The following P2RX2 variants were observed in gnomAD, a reference collection of about 807,000 sequenced individuals.
P2RX2 encodes P2X purinoceptor 2.
A neutral mutation model predicts 54.8 loss-of-function variants in P2RX2; 50 were observed. The observed-to-expected ratio is 0.91, with a 90% confidence interval of 0.73 to 1.15. The LOEUF is 1.15. P2RX2 is among the 50% of genes most tolerant of loss of function. The pLI is 0.00. For synonymous variants in P2RX2, 289 were observed against 259.4 expected (o/e 1.11, Z -1.09); for missense variants, 658 against 633.2 (o/e 1.04, Z -0.42).
In P2RX2 at chr12:132,620,452, A is replaced by G; in HGVS notation, c.643A>G (p.Ile215Val). The change falls in exon 7 of 11, where the codon ATC (isoleucine) becomes GTC (valine). Residue 215 changes from isoleucine to valine, a missense_variant. Ile to Val is a conservative substitution (Grantham distance 29). Transcript: ENST00000643471. ...CTCCTGCCGCCTCCTCAGGGGCAAC[A>G]TCGCCGACCGCACAGACGGGTACCT... ...YPKFHFSKGNIADRTDGYLKR... is the reference protein window; with the variant it reads ...YPKFHFSKGNVADRTDGYLKR... 1.9e-6 allele frequency: 3 copies of G among 1,614,046 alleles called. No homozygotes were observed. The highest frequency in any genetic ancestry group is 1.7e-4 in the Middle Eastern group (1 of 6,060).
Position 132,622,209 on chromosome 12 carries a change from C to T in P2RX2, c.*237C>T. 7.2e-7 allele frequency: 1 copy of T among 1,397,304 alleles called. No homozygotes were observed. Among genetic ancestry groups the T allele is most frequent in the Non-Finnish European group, 9.3e-7 (1 of 1,080,418 alleles). The allele number at this position is 1,397,304 out of a possible 1,614,324, so 86.6% of individuals were successfully genotyped here. A position where few individuals can be genotyped will look rare whatever the true frequency, so the allele number is the denominator to read the frequency against. On this transcript the variant is annotated 3_prime_UTR_variant, in exon 11 of 11. Transcript: ENST00000643471. ...TGGTCCCTACAGGGCTGCTCACTTC[C>T]CATCACCTCTCACAGCCACCTGGAA... is the stretch of plus-strand genomic sequence containing the variant.
Position 132,621,837 on chromosome 12 carries a change from A to G in P2RX2, c.1281A>G (p.Ala427=), listed in dbSNP as rs779156632. 6.2e-7 allele frequency: 1 copy of G among 1,612,040 alleles called. No homozygotes were observed. The highest frequency in any genetic ancestry group is 8.5e-7 in the Non-Finnish European group (1 of 1,179,138). The stretch of plus-strand genomic sequence containing the variant: ...CAGGCCAGGAGGGCCAACAAGGGGC[A>G]GAGTGTGGCCCAGCCTTCCCGCCCC... The part of the protein sequence containing the change: ...PPSGQEGQQG[A]ECGPAFPPLR... Residue 427 remains alanine, a synonymous_variant, in exon 11 of 11, where the codon GCA becomes GCG. Coordinates refer to ENST00000643471, the MANE Select transcript of P2RX2 (RefSeq NM_170682.4).
Position 132,619,469 on chromosome 12 carries a change from GGAGAGCGAGACGGGCCCC to G in P2RX2, c.211_228del (p.Glu71_Ser76del). 2 of 1,612,630 alleles carry G rather than the reference GGAGAGCGAGACGGGCCCC, an allele frequency of 1.2e-6. No homozygotes were observed. The highest frequency in any genetic ancestry group is 8.5e-7 in the Non-Finnish European group (1 of 1,179,468). On this transcript the variant is annotated inframe_deletion, in exon 2 of 11. Transcript: ENST00000643471. ...TATTCATCGTGCAGAAAAGCTACCA[GGAGAGCGAGACGGGCCCC>G]GAGAGCTCCATCATCACCAAGGTCA...
In P2RX2 at chr12:132,620,518, CCCATCT is replaced by C; in HGVS notation, c.710_715del (p.Pro237_Phe239delinsLeu). The C allele has an allele frequency of 6.2e-7, 1 of 1,613,956 alleles. No homozygotes were observed. Among genetic ancestry groups the C allele is most frequent in the Non-Finnish European group, 8.5e-7 (1 of 1,179,948 alleles). ...CCACGAGGCCTCCGACCTCTACTGC[CCCATCT>C]TCAAGCTGGGCTTTATCGTGGAGAA... On this transcript the variant is annotated inframe_deletion, in exon 7 of 11. Transcript: ENST00000643471.
intron 1 of P2RX2, 104 bp from the exon 2 acceptor site, chr12:132,619,335 C>G: frequency 7.9e-7 from 1 of 1,268,614 alleles, no homozygotes; most frequent in Non-Finnish European, 1.1e-6. Flanking sequence ...CCCCAAGAGC[C>G]CCGCAGAGCG....
Position 132,619,507 on chromosome 12 carries a change from A to C in P2RX2, c.242A>C (p.Lys81Thr). Residue 81 changes from lysine (K) to threonine (T), a missense_variant, in exon 2 of 11, where the codon AAG (lysine) becomes ACG (threonine). By Grantham distance (78) the Lys-to-Thr change is moderately conservative. Transcript: ENST00000643471. Reference protein sequence around the residue: ...ETGPESSIITKVKGITTSEHK... With the variant: ...ETGPESSIITTVKGITTSEHK... ...GGCCCCGAGAGCTCCATCATCACCAAGGTCAAGGGGATCACCACGTCCGAG... is the reference window on the plus strand; with the variant it reads ...GGCCCCGAGAGCTCCATCATCACCACGGTCAAGGGGATCACCACGTCCGAG... The C allele has an allele frequency of 6.2e-7, 1 of 1,612,390 alleles. No individual in the cohort carries two copies. Among genetic ancestry groups the C allele is most frequent in the South Asian group, 1.1e-5 (1 of 91,046 alleles).
chr12:132,619,361 A>C, intron 1 of P2RX2, 78 bp from the exon 2 acceptor site: 1,570 of 1,382,562 alleles, frequency 1.1e-3, no homozygotes, highest in Non-Finnish European at 1.4e-3. Context: ...GGGTCGCGGG[A>C]GGGCCCCTGC....
chr12:132,620,869 GGAC>G, intron 7 of P2RX2, 129 bp from the exon 8 acceptor site: 19 of 988,112 alleles, frequency 1.9e-5, no homozygotes, highest in Admixed American at 2.7e-5. Context: ...ATGCAGCCTG[GGAC>G]TGACCCGGGC....
intron 1 of P2RX2, 135 bp from the exon 2 acceptor site, chr12:132,619,304 G>A: frequency 1.1e-6 from 1 of 922,884 alleles, no homozygotes; most frequent in South Asian, 2.0e-5. Flanking sequence ...GCTGGGGCTG[G>A]GACCGAGGGC....
Position 132,621,814 on chromosome 12 carries a change from G to A in P2RX2, c.1258G>A (p.Gly420Ser), listed in dbSNP as rs1040866936. 2 of 1,608,996 alleles carry A rather than the reference G, an allele frequency of 1.2e-6. No homozygotes were observed. The highest frequency in any genetic ancestry group is 1.7e-6 in the Non-Finnish European group (2 of 1,177,404). ...SEDQHPSPPSGQEGQQGAECG... is the reference protein window; with the variant it reads ...SEDQHPSPPSSQEGQQGAECG... ...GGACCAGCACCCCAGCCCTCCATCA[G>A]GCCAGGAGGGCCAACAAGGGGCAGA... The change falls in exon 11 of 11, where the codon GGC (glycine) becomes AGC (serine). Residue 420 changes from glycine to serine, a missense_variant. By Grantham distance (56) the Gly-to-Ser change is moderately conservative. Coordinates refer to ENST00000643471, the MANE Select transcript of P2RX2 (RefSeq NM_170682.4).
At position 132,619,831 on chromosome 12, in the gene P2RX2, G is replaced by A. The variant is rs1244252215; in HGVS notation, c.382-13G>A. On this transcript the variant is annotated splice_polypyrimidine_tract_variant and intron_variant, in intron 3 of 10. Transcript: ENST00000643471. ...CCCTTGCGGGGTCCCTGACTGGGCC[G>A]CCTCCACCCTAGAGCATAAGGGTCC... 6.2e-7 allele frequency: 1 copy of A among 1,610,618 alleles called. No homozygotes were observed. The highest frequency in any genetic ancestry group is 1.1e-5 in the South Asian group (1 of 90,792).
At chr12:132,621,192 C>G in intron 8 of P2RX2, 61 bp downstream of exon 8, 1 of 1,613,892 alleles carries the variant, frequency 6.2e-7, no homozygotes, top group Non-Finnish European at 8.5e-7. Flanking sequence ...CCCGAGAGGC[C>G]CAATGCCTGT....
In P2RX2 at chr12:132,621,974, C is replaced by A; in HGVS notation, c.*2C>A. 1 of 1,613,626 alleles carries A rather than the reference C, an allele frequency of 6.2e-7. No homozygotes were observed. The highest frequency in any genetic ancestry group is 8.5e-7 in the Non-Finnish European group (1 of 1,180,016). On this transcript the variant is annotated 3_prime_UTR_variant, in exon 11 of 11. Coordinates refer to ENST00000643471, the MANE Select transcript of P2RX2 (RefSeq NM_170682.4). ...CCCAAAGGTTTGGCTCAACTCTGAGCTCCTTTCCATCTCACTGGACTGCAG... is the reference window on the plus strand; with the variant it reads ...CCCAAAGGTTTGGCTCAACTCTGAGATCCTTTCCATCTCACTGGACTGCAG...
rs777917433 is a variant in P2RX2, at chr12:132,620,509, C to G, written c.700C>G (p.Leu234Val). ...CTGCACGTTCCACGAGGCCTCCGAC[C>G]TCTACTGCCCCATCTTCAAGCTGGG... ...KRCTFHEASD[L>V]YCPIFKLGFI... The change falls in exon 7 of 11, where the codon CTC becomes GTC. Residue 234 changes from leucine (L) to valine (V), a missense_variant. By Grantham distance (32) the Leu-to-Val change is conservative. Transcript: ENST00000643471. The G allele has an allele frequency of 1.9e-6, 3 of 1,614,052 alleles. No individual in the cohort carries two copies. The highest frequency in any genetic ancestry group is 2.5e-6 in the Non-Finnish European group (3 of 1,179,998).
chr12:132,618,852 G>T lies in P2RX2; in HGVS notation c.36G>T (p.Ala12=). The part of the protein sequence containing the change: ...AAAQPKYPAG[A]TARRLARGCW... Reference sequence around the variant, plus strand: ...CCCAGCCCAAGTACCCCGCCGGGGCGACCGCCCGGCGCCTGGCCCGGGGCT... The same window carrying T: ...CCCAGCCCAAGTACCCCGCCGGGGCTACCGCCCGGCGCCTGGCCCGGGGCT... The change falls in exon 1 of 11, where the codon GCG becomes GCT. Residue 12 remains alanine, a synonymous_variant. Transcript: ENST00000643471. 7.3e-7 allele frequency: 1 copy of T among 1,363,196 alleles called. No homozygotes were observed. Among genetic ancestry groups the T allele is most frequent in the Non-Finnish European group, 9.5e-7 (1 of 1,051,780 alleles). 84.4% of individuals were successfully genotyped at this position (1,363,196 alleles called of 1,614,324 possible).
rs1259880098 is a variant in P2RX2, at chr12:132,619,583, C to G, written c.309+9C>G. The G allele has an allele frequency of 1.2e-6, 2 of 1,605,846 alleles. No individual in the cohort carries two copies. Among genetic ancestry groups the G allele is most frequent in the Non-Finnish European group, 1.7e-6 (2 of 1,174,934 alleles). Reference sequence around the variant, plus strand: ...ACGTGAAGCCCCCCGAGGTGCGGGCCGCCCCCTGCCCCCCGCCCCGCCGTG... The same window carrying G: ...ACGTGAAGCCCCCCGAGGTGCGGGCGGCCCCCTGCCCCCCGCCCCGCCGTG... On this transcript the variant is annotated intron_variant, in intron 2 of 10. Coordinates refer to ENST00000643471, the MANE Select transcript of P2RX2 (RefSeq NM_170682.4).
At position 132,620,515 on chromosome 12, in the gene P2RX2, T is replaced by C; in HGVS notation, c.706T>C (p.Cys236Arg). Residue 236 changes from cysteine (C) to arginine (R), a missense_variant, in exon 7 of 11, where the codon TGC becomes CGC. Physicochemically the swap from Cys to Arg is radical, Grantham distance 180. Coordinates refer to ENST00000643471, the MANE Select transcript of P2RX2 (RefSeq NM_170682.4). ...GTTCCACGAGGCCTCCGACCTCTAC[T>C]GCCCCATCTTCAAGCTGGGCTTTAT... is the stretch of plus-strand genomic sequence containing the variant. ...CTFHEASDLY[C>R]PIFKLGFIVE... is the part of the protein sequence containing the mutation. 1 of 1,613,476 alleles carries C rather than the reference T, an allele frequency of 6.2e-7. No homozygotes were observed. Among genetic ancestry groups the C allele is most frequent in the Non-Finnish European group, 8.5e-7 (1 of 1,179,718 alleles).
chr12:132,619,511 C>T lies in P2RX2; in HGVS notation c.246C>T (p.Val82=), dbSNP rs1249359315. 1.2e-6 allele frequency: 2 copies of T among 1,612,710 alleles called. No homozygotes were observed. Among genetic ancestry groups the T allele is most frequent in the Admixed American group, 3.3e-5 (2 of 60,002 alleles). ...CCGAGAGCTCCATCATCACCAAGGT[C>T]AAGGGGATCACCACGTCCGAGCACA... ...TGPESSIITK[V]KGITTSEHKV... The change falls in exon 2 of 11, where the codon GTC becomes GTT. Residue 82 remains valine, a synonymous_variant. Transcript: ENST00000643471.
Position 132,621,743 on chromosome 12 carries a change from C to CCCGTG in P2RX2, c.1188_1192dup (p.Val398AlafsTer108). ...TCAGGTAGCTGGCCTGTGACCCTTGCCCGTGTATTGGGCCAGGCCCCTCCC... is the reference window on the plus strand; with the variant it reads ...TCAGGTAGCTGGCCTGTGACCCTTGCCCGTGCCGTGTATTGGGCCAGGCCCCTCCC... On this transcript the variant is annotated frameshift_variant, in exon 11 of 11. Coordinates refer to ENST00000643471, the MANE Select transcript of P2RX2 (RefSeq NM_170682.4). LOFTEE classifies it high-confidence loss of function. The CCCGTG allele has an allele frequency of 6.2e-7, 1 of 1,608,774 alleles. No homozygotes were observed. Among genetic ancestry groups the CCCGTG allele is most frequent in the Non-Finnish European group, 8.5e-7 (1 of 1,177,098 alleles).
Sources: allele counts gnomAD v4.1 joint callset, GRCh38; gene constraint gnomAD v4.1.1; transcripts MANE v1.5; gene names NCBI Gene and HGNC (gene_info 2026-07-23, HGNC 2026-07-21).